The following SRGAP2 variants were observed in gnomAD, a reference collection of about 807,000 sequenced individuals.
SRGAP2 encodes SLIT-ROBO Rho GTPase activating protein 2.
In SRGAP2, 15 loss-of-function variants were observed where a neutral mutation model predicts 57.2. The observed-to-expected ratio is 0.26, with a 90% CI of 0.18 to 0.40. SRGAP2 has a LOEUF of 0.40. Among genes scored for constraint, SRGAP2 ranks in the 10% least tolerant of loss-of-function variants. SRGAP2 has a pLI of 1.00. For synonymous variants in SRGAP2, 249 were observed against 248.0 expected, an observed-to-expected ratio of 1.00 and a Z score of -0.04; for missense variants, 520 against 669.6, an observed-to-expected ratio of 0.78 and a Z score of 2.47.
At chr1:206,326,586 TA>T in intron 3 of SRGAP2, among the ~76,000 whole-genome samples, 1 of 152,366 alleles carries the variant, frequency 6.6e-6, no homozygotes, top group Non-Finnish European at 1.5e-5. Context: ...AAACGGTTAC[TA>T]GTCAGGAGAC....
At chr1:206,388,300 A>G (rs1471707332) in intron 5 of SRGAP2, among the ~76,000 whole-genome samples, 1 of 152,148 alleles carries the variant, frequency 6.6e-6, no homozygotes, top group African/African-American at 2.4e-5. Context: ...GGTATTTAGC[A>G]CCTGTTCCCT....
At chr1:206,239,948 C>T (rs1553308767) in intron 2 of SRGAP2, among the ~76,000 whole-genome samples, 2 of 150,880 alleles carry the variant, frequency 1.3e-5, no homozygotes, top group East Asian at 2.0e-4. Flanking sequence ...GGGTCTTTTT[C>T]GGATTACTTT....
intron 2 of SRGAP2, among the ~76,000 whole-genome samples, chr1:206,292,247 T>C (rs1477600570): frequency 0.035 from 5,401 of 152,258 alleles, 148 homozygotes; most frequent in South Asian, 0.073. Flanking sequence ...AGGTCAAAGT[T>C]TGATTCTTGG....
chr1:206,343,065 A>G, intron 4 of SRGAP2, 57 bp downstream of exon 4: 1 of 673,582 alleles, frequency 1.5e-6, no homozygotes, highest in South Asian at 1.6e-5. Flanking sequence ...CACAATTTTT[A>G]AAATCCTATT....
At chr1:206,247,269 G>C (rs1668552322) in intron 2 of SRGAP2, among the ~76,000 whole-genome samples, 1 of 152,000 alleles carries the variant, frequency 6.6e-6, no homozygotes, top group African/African-American at 2.4e-5. Context: ...TGAAGATACT[G>C]GTGACTTAAA....
intron 3 of SRGAP2, among the ~76,000 whole-genome samples, chr1:206,329,862 G>C (rs1257367888): frequency 1.4e-5 from 2 of 138,700 alleles, no homozygotes; most frequent in Non-Finnish European, 3.1e-5. Context: ...AGTGGTGAGA[G>C]AGGGCATCCC....
At chr1:206,318,503 A>G (rs1197630634) in intron 3 of SRGAP2, among the ~76,000 whole-genome samples, 2 of 152,230 alleles carry the variant, frequency 1.3e-5, no homozygotes, top group Non-Finnish European at 2.9e-5. Flanking sequence ...AGAGTCCTAG[A>G]TACATGTGCA....
intron 2 of SRGAP2, among the ~76,000 whole-genome samples, chr1:206,256,109 A>G (rs1454815483): frequency 6.6e-6 from 1 of 150,408 alleles, no homozygotes; most frequent in African/African-American, 2.5e-5. Flanking sequence ...ATTTTATTAC[A>G]TTAGAAGAGA....
rs567837947 is a variant in SRGAP2, at chr1:206,443,361, GTTGTTTGTTTGTTT to G, written c.1875-2696_1875-2683del. Among the ~76,000 whole-genome samples the G allele has an allele frequency of 1.1e-3, 170 of 152,132 alleles. 2 individuals are homozygous for G. Among genetic ancestry groups the G allele is most frequent in the Middle Eastern group, 3.4e-3 (1 of 294 alleles). ...GGTATTTCTTTGTTTTTATTTTGTT[GTTGTTTGTTTGTTT>G]TTGTTTGTTTGTTTTTGAGATGGAG... On this transcript the variant is annotated intron_variant, in intron 17 of 22. Transcript: ENST00000573034.
chr1:206,227,014 G>T (rs1478140964), intron 2 of SRGAP2, among the ~76,000 whole-genome samples: 1 of 152,022 alleles, frequency 6.6e-6, no homozygotes, highest in Non-Finnish European at 1.5e-5. Context: ...CTCTGAATAC[G>T]GATGGGTAAA....
At chr1:206,378,387 G>A (rs1228269588) in intron 4 of SRGAP2, among the ~76,000 whole-genome samples, 2 of 152,094 alleles carry the variant, frequency 1.3e-5, no homozygotes, top group Non-Finnish European at 2.9e-5. Context: ...AGCTGAGGGA[G>A]GAGGATCACG....
intron 4 of SRGAP2, among the ~76,000 whole-genome samples, chr1:206,374,311 C>T (rs531375341): frequency 1.3e-4 from 20 of 150,270 alleles, no homozygotes; most frequent in Admixed American, 9.9e-4. Context: ...CCACCGCGCC[C>T]GGCCAGATAC....
At position 206,454,783 on chromosome 1, in the gene SRGAP2, C is replaced by T; in HGVS notation, c.2361-95C>T. The T allele has an allele frequency of 3.1e-6, 2 of 646,180 alleles. No homozygotes were observed. The highest frequency in any genetic ancestry group is 2.6e-5 in the East Asian group (1 of 37,852). The allele number at this position is 646,180 out of a possible 1,614,324, so 40.0% of individuals were successfully genotyped here. A position where few individuals can be genotyped will look rare whatever the true frequency, so the allele number is the denominator to read the frequency against. ...GCTGCCTCAGAGCTGTGTGGGGTCGCGTGTATGTCGGGGGGCCATCTTGCC... is the reference window on the plus strand; with the variant it reads ...GCTGCCTCAGAGCTGTGTGGGGTCGTGTGTATGTCGGGGGGCCATCTTGCC... On this transcript the variant is annotated intron_variant, in intron 20 of 22. Transcript: ENST00000573034. This position sits in a 1 kb window ranked among gnomAD's most constrained non-coding sequence, Gnocchi z 4.3.
chr1:206,366,845 G>A (rs2103009808), intron 4 of SRGAP2, among the ~76,000 whole-genome samples: 1 of 147,038 alleles, frequency 6.8e-6, no homozygotes, highest in African/African-American at 2.5e-5. Context: ...GCCTACCCTT[G>A]TCATTTACCC....
chr1:206,435,837 G>A (rs1661685043), intron 14 of SRGAP2, among the ~76,000 whole-genome samples: 1 of 152,180 alleles, frequency 6.6e-6, no homozygotes, highest in African/African-American at 2.4e-5. Context: ...TTGATTAGCA[G>A]CAGTCACTAT....
rs1553299818 is a variant in SRGAP2, at chr1:206,203,541, A to G, written c.-652A>G. 3 of 552,136 alleles carry G rather than the reference A, an allele frequency of 5.4e-6. No homozygotes were observed. Among genetic ancestry groups the G allele is most frequent in the East Asian group, 3.0e-5 (1 of 33,738 alleles). 34.2% of individuals were successfully genotyped at this position (552,136 alleles called of 1,614,324 possible). On this transcript the variant is annotated 5_prime_UTR_variant, in exon 1 of 23. Transcript: ENST00000573034. Reference sequence around the variant, plus strand: ...CTGCGGAGTTGGCGGAGGCTCCTCCAGGGACTGGGGCACCGATCTGCGTAG... The same window carrying G: ...CTGCGGAGTTGGCGGAGGCTCCTCCGGGGACTGGGGCACCGATCTGCGTAG...
intron 3 of SRGAP2, among the ~76,000 whole-genome samples, chr1:206,321,897 C>T (rs1673476122): frequency 6.6e-6 from 1 of 152,104 alleles, no homozygotes; most frequent in Non-Finnish European, 1.5e-5. Flanking sequence ...ACCATTTTTT[C>T]AGAGAGCCTC....
Position 206,243,380 on chromosome 1 carries a change from C to T in SRGAP2, c.67+37343C>T, listed in dbSNP as rs547898424. ...GAATGTACAAGACCCGGGCTTCATGCGTGTGTGAGAGAAAATAGCAAGTGA... is the reference window on the plus strand; with the variant it reads ...GAATGTACAAGACCCGGGCTTCATGTGTGTGTGAGAGAAAATAGCAAGTGA... On this transcript the variant is annotated intron_variant, in intron 2 of 22. Transcript: ENST00000573034. 2.6e-4 allele frequency among the ~76,000 whole-genome samples: 39 copies of T among 150,316 alleles called. 2 individuals are homozygous for T. In the East Asian group the frequency reaches 6.7e-3, roughly 26 times the overall value.
intron 2 of SRGAP2, among the ~76,000 whole-genome samples, chr1:206,259,635 A>G (rs568040993): frequency 6.7e-6 from 1 of 148,834 alleles, no homozygotes; most frequent in African/African-American, 2.5e-5. Context: ...ACATGTTTGC[A>G]TTTATCTAGT....
Sources: gnomAD v4.1 joint callset for allele counts (sites outside exome capture counted in the v4.1 genomes callset) on GRCh38, gnomAD v4.1.1 for gene constraint, Gnocchi (gnomAD v3.1) non-coding constraint, MANE v1.5 for transcripts, NCBI Gene and HGNC (gene_info 2026-07-23, HGNC 2026-07-21) for gene names.